The following DNAH17 variants were observed in gnomAD, a reference collection of about 807,000 sequenced individuals.
The protein encoded by DNAH17 is axonemal beta dynein heavy chain 17.
DNAH17 carries 376 observed loss-of-function variants against 485.6 expected under a neutral mutation model. The observed-to-expected ratio is 0.77, with a 90% CI of 0.71 to 0.84. The LOEUF (loss-of-function observed/expected upper bound fraction) is 0.84, where lower values mean the gene tolerates loss of function less well. DNAH17 is among the 40% of genes least tolerant of loss of function. The pLI is 0.00. For synonymous variants in DNAH17, 3,031 were observed against 2,405.9 expected (o/e 1.26, Z -7.60); for missense variants, 6,370 against 5,839.3 (o/e 1.09, Z -2.96).
At chr17:78,575,120 C>A in intron 1 of DNAH17, 38 bp from the exon 2 acceptor site, 2 of 1,370,444 alleles carry the variant, frequency 1.5e-6, no homozygotes, top group East Asian at 4.9e-5. Flanking sequence ...AACTGTCTCC[C>A]GGGCTCCCCA....
intron 44 of DNAH17, among the ~76,000 whole-genome samples, chr17:78,486,708 G>A (rs866672009): frequency 8.5e-5 from 13 of 152,360 alleles, no homozygotes; most frequent in Non-Finnish European, 1.8e-4. Context: ...GAGGATGCCA[G>A]GGTCGTGGGG....
intron 11 of DNAH17, among the ~76,000 whole-genome samples, chr17:78,565,080 C>A (rs949017568): frequency 6.6e-6 from 1 of 152,212 alleles, no homozygotes; most frequent in Admixed American, 6.5e-5. Context: ...AATCCCCCAA[C>A]CCCTGATGTC....
rs1209265674 is a variant in DNAH17, at chr17:78,574,765, T to C, written c.293A>G (p.Tyr98Cys). The C allele has an allele frequency of 1.2e-6, 2 of 1,613,736 alleles. No homozygotes were observed. The highest frequency in any genetic ancestry group is 3.3e-5 in the Admixed American group (2 of 60,000). The change falls in exon 2 of 81, where the codon TAC (tyrosine) becomes TGC (cysteine). Residue 98 changes from tyrosine to cysteine, a missense_variant. Transcript: ENST00000389840. ...NKDNYRARLLYGDISPTPVDQ... is the reference protein window; with the variant it reads ...NKDNYRARLLCGDISPTPVDQ... ...CACGGGTGTGGGGCTGATGTCGCCG[T>C]AAAGGAGCCGGGCCCTGTAGTTGTC...
intron 16 of DNAH17, among the ~76,000 whole-genome samples, chr17:78,544,834 G>A (rs1383540788): frequency 2.2e-5 from 3 of 136,226 alleles, no homozygotes; most frequent in African/African-American, 8.0e-5. Flanking sequence ...AGGTGGGGGT[G>A]GTGGCCACTT....
intron 31 of DNAH17, among the ~76,000 whole-genome samples, chr17:78,503,342 G>A (rs947040185): frequency 4.2e-5 from 2 of 48,016 alleles, no homozygotes; most frequent in Non-Finnish European, 6.7e-5. Context: ...CCCACTCCCG[G>A]CATTTTTTTT....
rs34251460 is a variant in DNAH17 at position 78,557,636 on chromosome 17, C to CAAAAAA, written c.2178+466_2178+471dup. Among the ~76,000 whole-genome samples the CAAAAAA allele has an allele frequency of 2.1e-3, 62 of 29,038 alleles. 3 individuals are homozygous for CAAAAAA. The highest frequency in any genetic ancestry group is 6.6e-3 in the East Asian group (4 of 604). The allele number at this position is 29,038 out of a possible 152,430, so 19.1% of individuals were successfully genotyped here. ...CCTGGGTGACAGAGTGAGACTGTCT[C>CAAAAAA]AAAAAAAAAAAAAAAAAAAAAAAAA... On this transcript the variant is annotated intron_variant, in intron 14 of 80. Transcript: ENST00000389840.
chr17:78,466,569 G>T, intron 56 of DNAH17, 86 bp downstream of exon 56: 2 of 1,369,080 alleles, frequency 1.5e-6, no homozygotes, highest in Non-Finnish European at 1.9e-6. Flanking sequence ...TAATCCCAGC[G>T]CCCTTTTCTC....
chr17:78,431,974 C>A (rs1298566401), intron 75 of DNAH17, among the ~76,000 whole-genome samples: 1 of 151,928 alleles, frequency 6.6e-6, no homozygotes, highest in African/African-American at 2.4e-5. Context: ...GAGTTTGAGA[C>A]CAGCTTAGGC....
intron 46 of DNAH17, 91 bp downstream of exon 46, chr17:78,485,869 G>T: frequency 6.4e-7 from 1 of 1,573,544 alleles, no homozygotes; most frequent in Non-Finnish European, 8.6e-7. Flanking sequence ...AATCGGTTGT[G>T]TTTGGACATT....
rs997273667 is a variant in DNAH17, at chr17:78,500,354, A to G, written c.5591T>C (p.Leu1864Pro). The G allele has an allele frequency of 5.0e-6, 8 of 1,612,878 alleles. No individual in the cohort carries two copies. The highest frequency in any genetic ancestry group is 5.9e-6 in the Non-Finnish European group (7 of 1,179,502). Reference sequence around the variant, plus strand: ...GTTGAAGACGTAGACCATGGTGCCCAGGGCTCTGCCCAGGTCCTTGGTCGT... The same window carrying G: ...GTTGAAGACGTAGACCATGGTGCCCGGGGCTCTGCCCAGGTCCTTGGTCGT... ...TETTKDLGRALGTMVYVFNCS... is the reference protein window; with the variant it reads ...TETTKDLGRAPGTMVYVFNCS... The change falls in exon 36 of 81, where the codon CTG (leucine) becomes CCG (proline). Residue 1864 changes from leucine to proline, a missense_variant. Leu to Pro is a moderately conservative substitution (Grantham distance 98, BLOSUM62 -3). Coordinates refer to ENST00000389840, the MANE Select transcript of DNAH17 (RefSeq NM_173628.4).
chr17:78,504,967 G>A lies in DNAH17; in HGVS notation c.4956+326C>T, dbSNP rs568544711. Among the ~76,000 whole-genome samples, 30 of 134,078 alleles carry A rather than the reference G, an allele frequency of 2.2e-4. 1 individual carries two copies. The highest frequency in any genetic ancestry group is 3.7e-4 in the African/African-American group (13 of 35,370). 88.0% of individuals were successfully genotyped at this position (134,078 alleles called of 152,430 possible). Reference sequence around the variant, plus strand: ...GTCACCCAGGCTGGAGTGCAGTGGCGCGATCTTGGCTCACGGCAACCTCTG... The same window carrying A: ...GTCACCCAGGCTGGAGTGCAGTGGCACGATCTTGGCTCACGGCAACCTCTG... On this transcript the variant is annotated intron_variant, in intron 31 of 80. Coordinates refer to ENST00000389840, the MANE Select transcript of DNAH17 (RefSeq NM_173628.4).
At chr17:78,466,537 GGAC>G (rs1370048668) in intron 56 of DNAH17, 115 bp downstream of exon 56, 1 of 930,190 alleles carries the variant, frequency 1.1e-6, no homozygotes, top group African/African-American at 1.7e-5. Context: ...AGCCCAAGGC[GGAC>G]GCCTCACTTG....
intron 74 of DNAH17, among the ~76,000 whole-genome samples, chr17:78,434,899 G>T (rs141489939): frequency 1.3e-3 from 202 of 152,324 alleles, no homozygotes; most frequent in African/African-American, 4.7e-3. Context: ...CACTCTGTGT[G>T]GGGGGAGGGC....
intron 54 of DNAH17, among the ~76,000 whole-genome samples, chr17:78,470,670 C>G (rs150103432): frequency 1.3e-5 from 2 of 152,162 alleles, no homozygotes; most frequent in Admixed American, 6.5e-5. Flanking sequence ...GTCTGGGCAA[C>G]AGAGTGAGAC....
intron 26 of DNAH17, 92 bp downstream of exon 26, chr17:78,514,682 G>C: frequency 2.0e-6 from 3 of 1,497,726 alleles, no homozygotes; most frequent in Non-Finnish European, 2.7e-6. Flanking sequence ...ATCGGGCCCT[G>C]AACACCTTGG....
At chr17:78,427,799 G>A (rs1321725292) in intron 77 of DNAH17, among the ~76,000 whole-genome samples, 1 of 152,076 alleles carries the variant, frequency 6.6e-6, no homozygotes, top group East Asian at 1.9e-4. Context: ...TGGTGAAACT[G>A]TCTCTACCAC....
In DNAH17 at chr17:78,439,251, G is replaced by A. The variant is rs749653605; in HGVS notation, c.11678-34C>T. ...AAGAAAAACAGGAAAAAAACACCAC[G>A]TAATTAAATGACACAGGTTCAGGCT... On this transcript the variant is annotated intron_variant, in intron 72 of 80. Transcript: ENST00000389840. The A allele has an allele frequency of 2.4e-5, 38 of 1,585,136 alleles. No individual in the cohort carries two copies. The East Asian group carries it at 5.0e-4, about 21-fold the overall frequency.
At position 78,493,976 on chromosome 17, in the gene DNAH17, C is replaced by T. The variant is rs1052953706; in HGVS notation, c.6408+60G>A. On this transcript the variant is annotated intron_variant, in intron 41 of 80. Coordinates refer to ENST00000389840, the MANE Select transcript of DNAH17 (RefSeq NM_173628.4). Reference sequence around the variant, plus strand: ...GGGGAGTGATGGAGGGCCGACCCTTCGCCCCAGCCCTCCCCCACCATGCCG... The same window carrying T: ...GGGGAGTGATGGAGGGCCGACCCTTTGCCCCAGCCCTCCCCCACCATGCCG... 32 of 1,556,106 alleles carry T rather than the reference C, an allele frequency of 2.1e-5. No homozygotes were observed. In the East Asian group the frequency reaches 2.3e-4, roughly 11 times the overall value.
Position 78,451,609 on chromosome 17 carries a change from T to TG in DNAH17, c.10593dup (p.Lys3532GlnfsTer58). On this transcript the variant is annotated frameshift_variant, in exon 66 of 81. Coordinates refer to ENST00000389840, the MANE Select transcript of DNAH17 (RefSeq NM_173628.4). LOFTEE classifies it high-confidence loss of function. ...GGCTTGTAGTGTGGGTTGAAGTACT[T>TG]GGTGTGTAGGATCAGGCGGAACTTG... 6.2e-7 allele frequency: 1 copy of TG among 1,609,790 alleles called. No homozygotes were observed. Among genetic ancestry groups the TG allele is most frequent in the Non-Finnish European group, 8.5e-7 (1 of 1,178,022 alleles).
Sources: allele counts gnomAD v4.1 joint callset (sites outside exome capture counted in the v4.1 genomes callset), GRCh38; gene constraint gnomAD v4.1.1; transcripts MANE v1.5; gene names NCBI Gene and HGNC (gene_info 2026-07-23, HGNC 2026-07-21).